FAAH2: variants seen among roughly 807,000 people sequenced by gnomAD.
The protein encoded by FAAH2 is fatty acid amide hydrolase 2.
In FAAH2, 60 loss-of-function variants were observed where a neutral mutation model predicts 36.9. The observed-to-expected ratio is 1.63, with a 90% CI of 1.32 to 2.02. FAAH2 has a LOEUF of 2.02. Among genes scored for constraint, FAAH2 ranks in the 30% most tolerant of loss-of-function variants. FAAH2 has a pLI of 0.00. For synonymous variants in FAAH2, 214 were observed against 143.8 expected (o/e 1.49, Z -3.49); for missense variants, 689 against 397.5 (o/e 1.73, Z -6.23).
intron 7 of FAAH2, among the ~76,000 whole-genome samples, chrX:57,382,938 C>T (rs1351731436): frequency 9.0e-6 from 1 of 111,354 alleles, no homozygotes; most frequent in Non-Finnish European, 1.9e-5. Flanking sequence ...TAAAATACTG[C>T]CAAACCGAAT....
chrX:57,214,505 C>A, the FAAH2 span, among the ~76,000 whole-genome samples: 5 of 111,393 alleles, frequency 4.5e-5, no homozygotes, highest in East Asian at 1.1e-3. Context: ...CAGCTCACTG[C>A]AACCTCCACC....
chrX:57,436,239 T>C (rs1250703520), intron 8 of FAAH2, among the ~76,000 whole-genome samples: 2 of 110,919 alleles, frequency 1.8e-5, no homozygotes, highest in Non-Finnish European at 3.8e-5. Flanking sequence ...ATGTTCATAG[T>C]ATTAAATGCC....
At chrX:57,485,324 G>A (rs776386198) in intron 10 of FAAH2, among the ~76,000 whole-genome samples, 3 of 111,368 alleles carry the variant, frequency 2.7e-5, no homozygotes, top group Admixed American at 9.6e-5. Context: ...TGGGATTTGG[G>A]CTATCAAAGA....
At chrX:57,248,753 C>CAAAAAAAAAA in the FAAH2 span, among the ~76,000 whole-genome samples, 1 of 14,498 alleles carries the variant, frequency 6.9e-5, no homozygotes, top group African/African-American at 2.3e-4. Flanking sequence ...AGCTCCGTCT[C>CAAAAAAAAAA]AAAAAAAAAA....
rs1291147004 is a variant in FAAH2, at chrX:57,349,748, C to T, written c.742+8358C>T. Among the ~76,000 whole-genome samples, 10 of 108,074 alleles carry T rather than the reference C, an allele frequency of 9.3e-5. No individual in the cohort carries two copies. In the South Asian group the frequency reaches 2.8e-3, roughly 30 times the overall value. The allele number at this position is 108,074 out of a possible 115,157, so 93.8% of individuals were successfully genotyped here. On this transcript the variant is annotated intron_variant, in intron 5 of 10. Transcript: ENST00000374900. The stretch of plus-strand genomic sequence containing the variant: ...AAGAATTAAAAAAAACCAAGGCCTC[C>T]AAGATCTTTGGGACAACATAAATCA...
intron 5 of FAAH2, among the ~76,000 whole-genome samples, chrX:57,351,292 AAATGGAAATGC>A (rs1323730663): frequency 9.0e-6 from 1 of 111,389 alleles, no homozygotes; most frequent in Non-Finnish European, 1.9e-5. Context: ...TTTGAAACAA[AAATGGAAATGC>A]AATGTAGTAA....
the FAAH2 span, among the ~76,000 whole-genome samples, chrX:57,157,565 C>A: frequency 2.7e-5 from 3 of 111,608 alleles, no homozygotes; most frequent in African/African-American, 9.8e-5. Flanking sequence ...CACACAGATT[C>A]TTCTGGCTGC....
At chrX:57,271,673 GC>G in the FAAH2 span, among the ~76,000 whole-genome samples, 1 of 112,066 alleles carries the variant, frequency 8.9e-6, no homozygotes, top group African/African-American at 3.2e-5. Context: ...CAGCAGAGGG[GC>G]CTGACTGTTA....
At chrX:57,162,052 C>A in the FAAH2 span, among the ~76,000 whole-genome samples, 1 of 111,299 alleles carries the variant, frequency 9.0e-6, no homozygotes, top group African/African-American at 3.3e-5. Context: ...TTAGGGTAGG[C>A]CTGGTGGTGA....
chrX:57,319,722 A>C (rs187621661), intron 3 of FAAH2, among the ~76,000 whole-genome samples: 63 of 112,264 alleles, frequency 5.6e-4, no homozygotes, highest in African/African-American at 1.8e-3. Flanking sequence ...AGACAATCTT[A>C]AGCTAAATGA....
intron 8 of FAAH2, among the ~76,000 whole-genome samples, chrX:57,438,912 C>G (rs2056480053): frequency 9.1e-6 from 1 of 109,963 alleles, no homozygotes; most frequent in African/African-American, 3.3e-5. Flanking sequence ...TCATCCATGT[C>G]CCTACAAAGG....
intron 5 of FAAH2, among the ~76,000 whole-genome samples, chrX:57,358,704 T>A (rs901682457): frequency 3.6e-5 from 4 of 111,507 alleles, no homozygotes; most frequent in African/African-American, 6.5e-5. Flanking sequence ...ATTCTAGAAT[T>A]CAAGATCTGA....
the FAAH2 span, among the ~76,000 whole-genome samples, chrX:57,220,570 G>A: frequency 8.9e-6 from 1 of 112,116 alleles, no homozygotes; most frequent in Non-Finnish European, 1.9e-5. Flanking sequence ...AGCCTTCAAA[G>A]TCTTCAACAA....
intron 6 of FAAH2, 144 bp downstream of exon 6, chrX:57,378,930 T>C: frequency 1.5e-6 from 1 of 654,245 alleles, no homozygotes; most frequent in Non-Finnish European, 2.2e-6. Flanking sequence ...TATACTTATA[T>C]AAGTGGATAC....
intron 5 of FAAH2, among the ~76,000 whole-genome samples, chrX:57,349,403 G>A (rs1323376182): frequency 2.2e-5 from 2 of 90,242 alleles, no homozygotes; most frequent in African/African-American, 8.2e-5. Flanking sequence ...ATGTATATAT[G>A]TGTGTATATA....
the FAAH2 span, among the ~76,000 whole-genome samples, chrX:57,243,149 G>A: frequency 6.3e-4 from 71 of 111,835 alleles, no homozygotes; most frequent in African/African-American, 2.1e-3. Context: ...AGTTCAAACT[G>A]GGTGAAGCCC....
chrX:57,209,084 C>T, the FAAH2 span, among the ~76,000 whole-genome samples: 3 of 112,001 alleles, frequency 2.7e-5, no homozygotes, highest in Non-Finnish European at 3.8e-5. Flanking sequence ...AAGTTGGCTC[C>T]CCTCTGTCCC....
At chrX:57,162,585 T>C in the FAAH2 span, among the ~76,000 whole-genome samples, 1 of 111,586 alleles carries the variant, frequency 9.0e-6, no homozygotes, top group Admixed American at 9.5e-5. Context: ...TCTCTAAACT[T>C]CCCTTCTCAC....
At chrX:57,193,721 C>T in the FAAH2 span, among the ~76,000 whole-genome samples, 7 of 111,632 alleles carry the variant, frequency 6.3e-5, no homozygotes, top group Middle Eastern at 4.6e-3. Flanking sequence ...GCACATTCCC[C>T]GATATTTATT....
Sources: allele counts gnomAD v4.1 joint callset (sites outside exome capture counted in the v4.1 genomes callset), GRCh38; gene constraint gnomAD v4.1.1; transcripts MANE v1.5; gene names NCBI Gene and HGNC (gene_info 2026-07-23, HGNC 2026-07-21).